The following COG8 variants were observed in gnomAD, a reference collection of about 807,000 sequenced individuals.
COG8 encodes the protein conserved oligomeric Golgi complex subunit 8.
A neutral mutation model predicts 46.5 loss-of-function variants in COG8; 45 were observed. The ratio of observed to expected loss-of-function variants is 0.97; its 90% CI spans 0.76 to 1.24. The LOEUF (loss-of-function observed/expected upper bound fraction) is 1.24. Among genes scored for constraint, COG8 ranks in the 50% most tolerant of loss-of-function variants. The pLI is 0.00. For missense variants in COG8, 793 were observed against 820.8 expected (o/e 0.97, Z 0.41); for synonymous variants, 407 against 347.8 (o/e 1.17, Z -1.90).
At chr16:69,334,132 A>G (rs1277350415) in intron 3 of COG8, among the ~76,000 whole-genome samples, 1 of 152,216 alleles carries the variant, frequency 6.6e-6, no homozygotes, top group Non-Finnish European at 1.5e-5. Context: ...AGATGAGGCC[A>G]TAGTCCAGCC....
Position 69,334,893 on chromosome 16 carries a change from GC to G in COG8, c.1040del (p.Gly347AlafsTer48), listed in dbSNP as rs1398554803. ...GIGGHLDSLL[G>X]QCMYFGLSFS... ...AGGACAGCCCAAAGTACATGCACTG[GC>G]CCAGCAGAGAGTCCAGGTGGCCGCC... On this transcript the variant is annotated frameshift_variant, in exon 3 of 6. Coordinates refer to ENST00000306875, the MANE Select transcript of COG8 (RefSeq NM_032382.5). LOFTEE classifies it high-confidence loss of function. 2.0e-5 allele frequency: 32 copies of G among 1,614,094 alleles called. No individual in the cohort carries two copies. Among genetic ancestry groups the G allele is most frequent in the Non-Finnish European group, 2.6e-5 (31 of 1,180,056 alleles).
intron 1 of COG8, chr16:69,338,307 C>T (rs1158665235): frequency 1.3e-5 from 2 of 152,166 alleles, no homozygotes; most frequent in Non-Finnish European, 2.9e-5. Context: ...CTCCTGGGTT[C>T]AAGCCTCAGG....
At chr16:69,330,652 C>T (rs916453075) in intron 5 of COG8, 161 bp downstream of exon 5, 217 of 1,408,094 alleles carry the variant, frequency 1.5e-4, no homozygotes, top group Middle Eastern at 2.6e-4. Context: ...GGCCAGCACA[C>T]AGCGAAGCCG....
At chr16:69,331,314 T>C (rs1381525632) in intron 4 of COG8, among the ~76,000 whole-genome samples, 1 of 151,374 alleles carries the variant, frequency 6.6e-6, no homozygotes, top group Non-Finnish European at 1.5e-5. Context: ...TAGCCGGGCT[T>C]GGTGGCGCAG....
Position 69,335,036 on chromosome 16 carries a change from G to A in COG8, c.898C>T (p.Leu300=), listed in dbSNP as rs916244476. The stretch of plus-strand genomic sequence containing the variant: ...GTGTGCTCACCCATGGCAGGGGGCA[G>A]CAGTGGGTCCTCGTCTGAGAAGATG... ...RAIFSDEDPL[L]PPAMGEHTVN... Residue 300 remains leucine, a synonymous_variant, in exon 3 of 6, where the codon CTG becomes TTG. Transcript: ENST00000306875. 6.2e-7 allele frequency: 1 copy of A among 1,614,086 alleles called. No individual in the cohort carries two copies. Among genetic ancestry groups the A allele is most frequent in the African/African-American group, 1.3e-5 (1 of 74,932 alleles).
Position 69,334,896 on chromosome 16 carries a change from C to T in COG8, c.1038G>A (p.Leu346=). 1 of 1,614,190 alleles carries T rather than the reference C, an allele frequency of 6.2e-7. No individual in the cohort carries two copies. Among genetic ancestry groups the T allele is most frequent in the Non-Finnish European group, 8.5e-7 (1 of 1,180,032 alleles). Residue 346 remains leucine, a synonymous_variant, in exon 3 of 6, where the codon CTG becomes CTA. Transcript: ENST00000306875. ...RGIGGHLDSL[L]GQCMYFGLSF... ...ACAGCCCAAAGTACATGCACTGGCC[C>T]AGCAGAGAGTCCAGGTGGCCGCCTA... is the stretch of plus-strand genomic sequence containing the variant.
intron 4 of COG8, 114 bp downstream of exon 4, chr16:69,332,600 T>G (rs992575371): frequency 9.6e-7 from 1 of 1,040,940 alleles, no homozygotes; most frequent in Admixed American, 1.7e-5. Context: ...GATGGAAATA[T>G]TCTAAAATTG....
At chr16:69,332,179 C>A (rs1218795557) in intron 4 of COG8, among the ~76,000 whole-genome samples, 1 of 152,024 alleles carries the variant, frequency 6.6e-6, no homozygotes, top group Non-Finnish European at 1.5e-5. Flanking sequence ...GGTGAAACCC[C>A]GTCTCTACTA....
intron 1 of COG8, 27 bp from the exon 2 acceptor site, chr16:69,336,739 C>G (rs1044955709): frequency 4.4e-6 from 7 of 1,594,170 alleles, no homozygotes; most frequent in Non-Finnish European, 6.0e-6. Flanking sequence ...GAATGTTGAT[C>G]CTTCACTGCT....
intron 2 of COG8, 46 bp from the exon 3 acceptor site, chr16:69,335,394 T>C: frequency 6.8e-7 from 1 of 1,463,166 alleles, no homozygotes. Context: ...AAGGATGCTC[T>C]CTAGAACCCA....
rs1378666158 is a variant in COG8, at chr16:69,328,709, T to C, written c.*497A>G. 6.3e-6 allele frequency: 2 copies of C among 317,334 alleles called. No individual in the cohort carries two copies. The highest frequency in any genetic ancestry group is 1.2e-5 in the Non-Finnish European group (2 of 172,840). 19.7% of individuals were successfully genotyped at this position (317,334 alleles called of 1,614,324 possible). On this transcript the variant is annotated 3_prime_UTR_variant, in exon 6 of 6. Transcript: ENST00000306875. ...ACCAAACCTTGGCTTTGGGAGATTA[T>C]ACAGGTCCGAGGAACTCGTGTCTAC...
In COG8 at chr16:69,332,880, T is replaced by G; in HGVS notation, c.1416A>C (p.Val472=). The G allele has an allele frequency of 6.2e-7, 1 of 1,614,120 alleles. No individual in the cohort carries two copies. The part of the protein sequence containing the change: ...TGALEDALAK[V]TKIILAFHRA... ...GATGGAAGGCCAGGATTATTTTAGT[T>G]ACCTAAGAGACAAGGGCACCGTCAA... The change falls in exon 4 of 6, where the codon GTA becomes GTC. Residue 472 remains valine (V), a splice_region_variant and synonymous_variant. Coordinates refer to ENST00000306875, the MANE Select transcript of COG8 (RefSeq NM_032382.5).
chr16:69,329,884 TC>T, intron 5 of COG8: 1 of 1,295,500 alleles, frequency 7.7e-7, no homozygotes. Context: ...GCATCCCACT[TC>T]GCTCCTGCGG....
rs915440273 is a variant in COG8 at position 69,326,901 on chromosome 16, T to A, written c.*2305A>T. The A allele has an allele frequency of 2.0e-5, 3 of 152,090 alleles. No individual in the cohort carries two copies. The highest frequency in any genetic ancestry group is 7.2e-5 in the African/African-American group (3 of 41,412). The allele number at this position is 152,090 out of a possible 1,614,324, so 9.4% of individuals were successfully genotyped here. On this transcript the variant is annotated 3_prime_UTR_variant, in exon 6 of 6. Transcript: ENST00000306875. ...TGCTTCCTGCTCAAAGTGGGAGAGATTTTACTGGAAATGCAATAAAGTTTG... is the reference window on the plus strand; with the variant it reads ...TGCTTCCTGCTCAAAGTGGGAGAGAATTTACTGGAAATGCAATAAAGTTTG...
In COG8 at chr16:69,327,470, G is replaced by A. The variant is rs555465375; in HGVS notation, c.*1736C>T. 5.3e-5 allele frequency: 8 copies of A among 152,016 alleles called. No homozygotes were observed. The South Asian group carries it at 1.7e-3, about 32-fold the overall frequency. The allele number at this position is 152,016 out of a possible 1,614,324, so 9.4% of individuals were successfully genotyped here. On this transcript the variant is annotated 3_prime_UTR_variant, in exon 6 of 6. Transcript: ENST00000306875. ...GGCATGAGCCACCAAGCCTGGCCGG[G>A]ATTCCTTTTCAAAGTCTGGCTGCAC...
intron 5 of COG8, 199 bp downstream of exon 5, chr16:69,330,614 A>G: frequency 7.1e-7 from 1 of 1,408,888 alleles, no homozygotes; most frequent in Non-Finnish European, 9.1e-7. Context: ...TTCCGGCCGC[A>G]GCGCGGGGCA....
chr16:69,334,041 G>A (rs2012046911), intron 3 of COG8, among the ~76,000 whole-genome samples: 1 of 152,128 alleles, frequency 6.6e-6, no homozygotes, highest in African/African-American at 2.4e-5. Flanking sequence ...ACAGCCTCTA[G>A]GAGCTGAGGC....
In COG8 at chr16:69,334,771, T is replaced by C. The variant is rs1444676373; in HGVS notation, c.1163A>G (p.Glu388Gly). ...GGAGTTCATTTCTTCCTGGAATTTC[T>C]CCACTGTTTCCTGAATTGCTTTCTG... ...TFQKAIQETV[E>G]KFQEEMNSYM... The change falls in exon 3 of 6, where the codon GAG becomes GGG. Residue 388 changes from glutamate to glycine, a missense_variant. Transcript: ENST00000306875. The C allele has an allele frequency of 6.2e-7, 1 of 1,614,036 alleles. No homozygotes were observed. The highest frequency in any genetic ancestry group is 1.7e-5 in the Admixed American group (1 of 60,016).
At chr16:69,330,307 G>T (rs1432442459) in intron 5 of COG8, 31 of 1,436,172 alleles carry the variant, frequency 2.2e-5, no homozygotes, top group Non-Finnish European at 2.7e-5. Context: ...GCTCGGGCCC[G>T]CCTAGCTGCG....
Sources: allele counts gnomAD v4.1 joint callset (sites outside exome capture counted in the v4.1 genomes callset), GRCh38; gene constraint gnomAD v4.1.1; transcripts MANE v1.5; gene names NCBI Gene and HGNC (gene_info 2026-07-23, HGNC 2026-07-21).